Variants in PPM1L observed in about 807,000 individuals in gnomAD.
PPM1L encodes protein phosphatase 1L.
A neutral mutation model predicts 31.4 loss-of-function variants in PPM1L; 13 were observed. The observed-to-expected ratio is 0.41, with a 90% CI of 0.27 to 0.66. PPM1L has a LOEUF of 0.66. Among genes scored for constraint, PPM1L ranks in the 30% least tolerant of loss-of-function variants. The pLI is 0.29. For missense variants in PPM1L, 326 were observed against 453.7 expected (o/e 0.72, Z 2.56); for synonymous variants, 184 against 175.4 (o/e 1.05, Z -0.39).
intron 2 of PPM1L, among the ~76,000 whole-genome samples, chr3:160,978,610 G>A (rs921405416): frequency 6.6e-6 from 1 of 152,158 alleles, no homozygotes; most frequent in Non-Finnish European, 1.5e-5. Context: ...TGGGAGAATT[G>A]CTTGAGCCCA....
At chr3:160,931,560 G>T (rs2108079576) in intron 1 of PPM1L, among the ~76,000 whole-genome samples, 1 of 152,290 alleles carries the variant, frequency 6.6e-6, no homozygotes, top group South Asian at 2.1e-4. Flanking sequence ...TAAGTGGCAA[G>T]AAGAAAAAGA....
intron 1 of PPM1L, among the ~76,000 whole-genome samples, chr3:160,864,977 C>T (rs551736878): frequency 1.2e-4 from 18 of 152,218 alleles, no homozygotes; most frequent in African/African-American, 4.3e-4. Context: ...GAATTCAAAC[C>T]ACTGAGGAAG....
intron 1 of PPM1L, among the ~76,000 whole-genome samples, chr3:160,833,366 C>T (rs372992392): frequency 6.6e-6 from 1 of 152,182 alleles, no homozygotes; most frequent in African/African-American, 2.4e-5. Context: ...CCATCTTCCA[C>T]GATGGTTGAA....
chr3:161,053,324 A>T (rs959930173), intron 2 of PPM1L, among the ~76,000 whole-genome samples: 70 of 152,316 alleles, frequency 4.6e-4, no homozygotes, highest in African/African-American at 1.7e-3. Flanking sequence ...AGTCATGCCC[A>T]GAGAGTATAT....
At chr3:160,852,719 G>C (rs150101001) in intron 1 of PPM1L, among the ~76,000 whole-genome samples, 77 of 152,094 alleles carry the variant, frequency 5.1e-4, no homozygotes, top group Non-Finnish European at 9.4e-4. Context: ...TTTTAATATC[G>C]TACTTTTCCA....
intron 1 of PPM1L, among the ~76,000 whole-genome samples, chr3:160,787,224 G>A (rs1321171659): frequency 6.6e-6 from 1 of 152,226 alleles, no homozygotes; most frequent in Non-Finnish European, 1.5e-5. Flanking sequence ...TCCACCAGCA[G>A]TATATAAGAG....
chr3:160,944,152 G>T (rs1019304923), intron 1 of PPM1L, among the ~76,000 whole-genome samples: 1 of 151,880 alleles, frequency 6.6e-6, no homozygotes, highest in Non-Finnish European at 1.5e-5. Flanking sequence ...CCTTCACTAA[G>T]CAGTTCATTA....
At position 161,078,462 on chromosome 3, in the gene PPM1L, C is replaced by A. The variant is rs1253406587; in HGVS notation, c.*9305C>A. The A allele has an allele frequency of 6.6e-6, 1 of 152,132 alleles. No homozygotes were observed. The highest frequency in any genetic ancestry group is 1.5e-5 in the Non-Finnish European group (1 of 68,028). The allele number at this position is 152,132 out of a possible 1,614,324, so 9.4% of individuals were successfully genotyped here. The stretch of plus-strand genomic sequence containing the variant: ...GGCAATACTTTATTTTAGGAATCTT[C>A]AAATTGTACTTAATAAATAAATCAC... On this transcript the variant is annotated 3_prime_UTR_variant, in exon 4 of 4. Coordinates refer to ENST00000498165, the MANE Select transcript of PPM1L (RefSeq NM_139245.4).
intron 1 of PPM1L, among the ~76,000 whole-genome samples, chr3:160,820,168 A>T (rs987590013): frequency 9.9e-5 from 15 of 152,082 alleles, no homozygotes; most frequent in African/African-American, 2.9e-4. Flanking sequence ...GAAGAGCTGG[A>T]TGAGATTGGC....
At chr3:160,908,397 C>T (rs754077578) in intron 1 of PPM1L, among the ~76,000 whole-genome samples, 8 of 152,150 alleles carry the variant, frequency 5.3e-5, no homozygotes, top group Non-Finnish European at 1.0e-4. Context: ...TTCACACAAA[C>T]AAATAATTTT....
At chr3:160,823,195 A>T (rs1713254554) in intron 1 of PPM1L, among the ~76,000 whole-genome samples, 1 of 151,978 alleles carries the variant, frequency 6.6e-6, no homozygotes, top group South Asian at 2.1e-4. Context: ...TATTTATAGG[A>T]AACTGGTTAA....
At chr3:161,013,924 A>G (rs1057340024) in intron 2 of PPM1L, among the ~76,000 whole-genome samples, 1 of 152,122 alleles carries the variant, frequency 6.6e-6, no homozygotes, top group Non-Finnish European at 1.5e-5. Flanking sequence ...GTCTCTGCAC[A>G]TGAAATGGGT....
At chr3:160,864,242 G>A (rs1712007408) in intron 1 of PPM1L, among the ~76,000 whole-genome samples, 1 of 152,078 alleles carries the variant, frequency 6.6e-6, no homozygotes, top group Non-Finnish European at 1.5e-5. Context: ...GATTGCAGTG[G>A]TGTGATCACA....
chr3:160,901,573 A>G (rs1839018), intron 1 of PPM1L, among the ~76,000 whole-genome samples: 114,233 of 151,940 alleles, frequency 0.75, 43,288 homozygotes, highest in Middle Eastern at 0.83. Flanking sequence ...TGTTTCTTCT[A>G]TCTGAATGCC....
chr3:160,834,981 G>T (rs75148225), intron 1 of PPM1L, among the ~76,000 whole-genome samples: 1 of 151,708 alleles, frequency 6.6e-6, no homozygotes, highest in Non-Finnish European at 1.5e-5. Context: ...GGTAAGTAGC[G>T]TTTAGTCTTA....
Position 161,074,118 on chromosome 3 carries a change from A to G in PPM1L, c.*4961A>G, listed in dbSNP as rs775484088. On this transcript the variant is annotated 3_prime_UTR_variant, in exon 4 of 4. Coordinates refer to ENST00000498165, the MANE Select transcript of PPM1L (RefSeq NM_139245.4). ...TTTAAAACTAATGATCTGTTATATAATAACTGAAATGTAAACTATTAACAG... is the reference window on the plus strand; with the variant it reads ...TTTAAAACTAATGATCTGTTATATAGTAACTGAAATGTAAACTATTAACAG... 14 of 152,218 alleles carry G rather than the reference A, an allele frequency of 9.2e-5. No homozygotes were observed. The highest frequency in any genetic ancestry group is 2.1e-4 in the Non-Finnish European group (14 of 68,034). 9.4% of individuals were successfully genotyped at this position (152,218 alleles called of 1,614,324 possible).
Position 161,076,517 on chromosome 3 carries a change from C to A in PPM1L, c.*7360C>A, listed in dbSNP as rs1037677267. ...TCTATTATAGAAAGCAGTGTTTGTT[C>A]TTTTTAATTTATTACATGTTCACAT... On this transcript the variant is annotated 3_prime_UTR_variant, in exon 4 of 4. Coordinates refer to ENST00000498165, the MANE Select transcript of PPM1L (RefSeq NM_139245.4). The A allele has an allele frequency of 3.9e-5, 6 of 152,116 alleles. No homozygotes were observed. Among genetic ancestry groups the A allele is most frequent in the Non-Finnish European group, 7.4e-5 (5 of 68,022 alleles). The allele number at this position is 152,116 out of a possible 1,614,324, so 9.4% of individuals were successfully genotyped here.
At chr3:161,041,794 A>T (rs1357599445) in intron 2 of PPM1L, among the ~76,000 whole-genome samples, 1 of 152,084 alleles carries the variant, frequency 6.6e-6, no homozygotes, top group Non-Finnish European at 1.5e-5. Context: ...ATTTTCTTAA[A>T]GGGTGCCTGG....
intron 1 of PPM1L, among the ~76,000 whole-genome samples, chr3:160,900,989 G>A (rs1713519656): frequency 6.6e-6 from 1 of 151,914 alleles, no homozygotes; most frequent in Non-Finnish European, 1.5e-5. Flanking sequence ...AGTTTCTTTT[G>A]GTTCTTTTAG....
Sources: gnomAD v4.1 joint callset for allele counts (sites outside exome capture counted in the v4.1 genomes callset) on GRCh38, gnomAD v4.1.1 for gene constraint, MANE v1.5 for transcripts, NCBI Gene and HGNC (gene_info 2026-07-23, HGNC 2026-07-21) for gene names.